Variants in RGS17 observed in about 807,000 individuals in gnomAD.
The protein encoded by RGS17 is regulator of G protein signaling 17.
In RGS17, 12 loss-of-function variants were observed where a neutral mutation model predicts 25.5. That is an observed-to-expected ratio of 0.47 (90% CI 0.30 to 0.76). The LOEUF (loss-of-function observed/expected upper bound fraction) is 0.76, where lower values mean the gene tolerates loss of function less well. Ranked by LOEUF, RGS17 falls within the 30% of genes least tolerant of loss-of-function variation. RGS17 has a pLI of 0.07. For missense variants in RGS17, 196 were observed against 242.2 expected, an observed-to-expected ratio of 0.81 and a Z score of 1.27; for synonymous variants, 71 against 76.9, an observed-to-expected ratio of 0.92 and a Z score of 0.40.
intron 1 of RGS17, among the ~76,000 whole-genome samples, chr6:153,073,613 T>C (rs1234839434): frequency 2.0e-5 from 3 of 152,072 alleles, no homozygotes; most frequent in Non-Finnish European, 4.4e-5. Context: ...GGAGAGAAAG[T>C]AGTTAACAGA....
At chr6:153,056,890 G>T (rs1776569218) in intron 1 of RGS17, among the ~76,000 whole-genome samples, 1 of 146,432 alleles carries the variant, frequency 6.8e-6, no homozygotes, top group African/African-American at 2.6e-5. Context: ...GTGTTTTCCT[G>T]GAATCCTAGT....
At chr6:153,014,316 C>T (rs1779161285) in intron 4 of RGS17, among the ~76,000 whole-genome samples, 1 of 152,058 alleles carries the variant, frequency 6.6e-6, no homozygotes, top group Non-Finnish European at 1.5e-5. Context: ...ACTGTCGAGC[C>T]CTACTGCTCA....
chr6:153,020,124 ATATATATATATATATTTTTTTTTTTTTTT>A (rs1779228963), intron 4 of RGS17, among the ~76,000 whole-genome samples: 1 of 92,258 alleles, frequency 1.1e-5, no homozygotes, highest in East Asian at 3.7e-4. Context: ...ATATATATAT[ATATATATATATATATTTTTTTTTTTTTTT>A]TTTTTTTTTT....
At chr6:153,067,021 C>CA (rs1304738857) in intron 1 of RGS17, among the ~76,000 whole-genome samples, 1 of 148,794 alleles carries the variant, frequency 6.7e-6, no homozygotes, top group Non-Finnish European at 1.5e-5. Context: ...GCCTGGGTGA[C>CA]AGAGTGAGAC....
intron 1 of RGS17, among the ~76,000 whole-genome samples, chr6:153,093,436 G>C (rs1208983373): frequency 6.6e-6 from 1 of 152,116 alleles, no homozygotes; most frequent in Non-Finnish European, 1.5e-5. Flanking sequence ...GTCTTGGTTT[G>C]GTTCATCTTT....
intron 1 of RGS17, among the ~76,000 whole-genome samples, chr6:153,102,621 G>T (rs1012814858): frequency 6.6e-6 from 1 of 151,960 alleles, no homozygotes; most frequent in Non-Finnish European, 1.5e-5. Context: ...TCACAGAGAT[G>T]GTTCCTTAGA....
rs576991875 is a variant in RGS17, at chr6:153,081,878, A to C, written c.-25-37835T>G. ...TGCAGATCTGTTTCTACATGGTATT[A>C]CTTACTTTGTGGCTGAATAACTTTA... On this transcript the variant is annotated intron_variant, in intron 1 of 4. Coordinates refer to ENST00000206262, the MANE Select transcript of RGS17 (RefSeq NM_012419.5). Among the ~76,000 whole-genome samples, 3 of 152,312 alleles carry C rather than the reference A, an allele frequency of 2.0e-5. No homozygotes were observed. The Middle Eastern group carries it at 0.01, about 518-fold the overall frequency.
intron 1 of RGS17, among the ~76,000 whole-genome samples, chr6:153,122,306 C>T (rs1777644079): frequency 6.6e-6 from 1 of 152,042 alleles, no homozygotes; most frequent in Non-Finnish European, 1.5e-5. Flanking sequence ...CAAAATATTA[C>T]ATTTTGGAGA....
rs549169539 is a variant in RGS17, at chr6:153,070,019, G to A, written c.-25-25976C>T. On this transcript the variant is annotated intron_variant, in intron 1 of 4. Coordinates refer to ENST00000206262, the MANE Select transcript of RGS17 (RefSeq NM_012419.5). ...ACTTCCAGGAAGTATACAAGTGATA[G>A]AATCAATTCACTCAGCACTCCTCAC... 1.2e-4 allele frequency among the ~76,000 whole-genome samples: 19 copies of A among 152,088 alleles called. No individual in the cohort carries two copies. In the East Asian group the frequency reaches 3.7e-3, roughly 29 times the overall value.
chr6:153,107,601 A>T (rs1777404870), intron 1 of RGS17, among the ~76,000 whole-genome samples: 1 of 152,130 alleles, frequency 6.6e-6, no homozygotes, highest in Non-Finnish European at 1.5e-5. Context: ...TATCTATTAT[A>T]TTGGGGACTA....
intron 1 of RGS17, among the ~76,000 whole-genome samples, chr6:153,091,456 T>C (rs1354921188): frequency 6.6e-6 from 1 of 152,136 alleles, no homozygotes; most frequent in Non-Finnish European, 1.5e-5. Flanking sequence ...ATATGACACT[T>C]AACATCCATA....
At chr6:153,056,842 GT>G (rs1776567935) in intron 1 of RGS17, among the ~76,000 whole-genome samples, 1 of 26,560 alleles carries the variant, frequency 3.8e-5, no homozygotes, top group Non-Finnish European at 7.8e-5. Context: ...GAAGGGCTGT[GT>G]GTGTGTGTGT....
intron 1 of RGS17, among the ~76,000 whole-genome samples, chr6:153,127,877 G>A (rs540901890): frequency 6.6e-6 from 1 of 152,290 alleles, no homozygotes; most frequent in South Asian, 2.1e-4. Context: ...ACTTTTGCGA[G>A]CCATGTCGAC....
intron 1 of RGS17, among the ~76,000 whole-genome samples, chr6:153,093,472 C>G (rs1292317071): frequency 6.6e-6 from 1 of 152,180 alleles, no homozygotes; most frequent in Non-Finnish European, 1.5e-5. Context: ...AAAATGTTCA[C>G]TTTATCTTCC....
At chr6:153,127,017 G>A (rs999634964) in intron 1 of RGS17, among the ~76,000 whole-genome samples, 3 of 152,200 alleles carry the variant, frequency 2.0e-5, no homozygotes, top group African/African-American at 7.2e-5. Context: ...GATGGCAGTG[G>A]GGGTGGGGGA....
intron 1 of RGS17, among the ~76,000 whole-genome samples, chr6:153,127,376 T>C (rs1010046665): frequency 1.3e-5 from 2 of 152,260 alleles, no homozygotes; most frequent in Admixed American, 6.5e-5. Context: ...GTGTTTTCAA[T>C]AGCAGTTCTT....
At chr6:153,038,927 C>G (rs1015350454) in intron 2 of RGS17, among the ~76,000 whole-genome samples, 3 of 152,112 alleles carry the variant, frequency 2.0e-5, no homozygotes, top group Admixed American at 6.5e-5. Context: ...GAGATCCATC[C>G]CATGGTCTGG....
At chr6:153,020,613 A>G (rs991483387) in intron 4 of RGS17, among the ~76,000 whole-genome samples, 2 of 152,178 alleles carry the variant, frequency 1.3e-5, no homozygotes, top group African/African-American at 2.4e-5. Context: ...TTGTTTTTCT[A>G]TATTTAACAA....
intron 1 of RGS17, among the ~76,000 whole-genome samples, chr6:153,121,244 C>A (rs1009866335): frequency 5.3e-5 from 8 of 152,136 alleles, no homozygotes; most frequent in Admixed American, 4.6e-4. Context: ...GCTGTATTTA[C>A]CAATGCACCG....
Sources: gnomAD v4.1 joint callset for allele counts (sites outside exome capture counted in the v4.1 genomes callset) on GRCh38, gnomAD v4.1.1 for gene constraint, MANE v1.5 for transcripts, NCBI Gene and HGNC (gene_info 2026-07-23, HGNC 2026-07-21) for gene names.